Variants in CUL7 observed in about 807,000 individuals in gnomAD.
CUL7 encodes the protein cullin 7.
A neutral mutation model predicts 177.7 loss-of-function variants in CUL7; 96 were observed. The observed-to-expected ratio is 0.54, with a 90% CI of 0.46 to 0.64. CUL7 has a LOEUF of 0.64. Ranked by LOEUF, CUL7 falls within the 30% of genes least tolerant of loss-of-function variation. The pLI, the probability that CUL7 is intolerant of heterozygous loss-of-function variation, is 0.00. For synonymous variants in CUL7, 824 were observed against 890.2 expected (o/e 0.93, Z 1.32); for missense variants, 1,893 against 2,187.9 (o/e 0.87, Z 2.69).
In CUL7 at chr6:43,047,144, AGG is replaced by A. The variant is rs765804557; in HGVS notation, c.2170-39_2170-38del. On this transcript the variant is annotated intron_variant, in intron 9 of 25. Transcript: ENST00000265348. Reference sequence around the variant, plus strand: ...CATAAGGGAGGAGATGAATGAAGACAGGGCGAGGGCCACAAGGGCACCTGCAG... The same window carrying A: ...CATAAGGGAGGAGATGAATGAAGACAGCGAGGGCCACAAGGGCACCTGCAG... 3 of 1,248,740 alleles carry A rather than the reference AGG, an allele frequency of 2.4e-6. No homozygotes were observed. In the Admixed American group the frequency reaches 5.0e-5, roughly 21 times the overall value. The allele number at this position is 1,248,740 out of a possible 1,614,324, so 77.4% of individuals were successfully genotyped here. A position where few individuals can be genotyped will look rare whatever the true frequency, so the allele number is the denominator to read the frequency against.
rs1221044014 is a variant in CUL7, at chr6:43,040,261, G to C, written c.4189C>G (p.His1397Asp). The C allele has an allele frequency of 6.2e-7, 1 of 1,614,180 alleles. No homozygotes were observed. Among genetic ancestry groups the C allele is most frequent in the Admixed American group, 1.7e-5 (1 of 60,032 alleles). The change falls in exon 22 of 26, where the codon CAC becomes GAC. Residue 1397 changes from histidine (H) to aspartate (D), a missense_variant. Around this residue, in one of 5 missense-constraint regions of CUL7, gnomAD observed 973 missense variants for 1,140.9 expected, o/e 0.85. Transcript: ENST00000265348. The surrounding 1 kb of genome is among the most constrained non-coding windows in gnomAD (Gnocchi z 4.2). ...CAGATTGAGGCAACAGGCCAGGAGT[G>C]TCGGGACAGGACAAGCACAGACACT... ...PEVSVLVLSR[H>D]SWPVASICHT...
intron 19 of CUL7, 132 bp from the exon 20 acceptor site, chr6:43,041,207 C>T: frequency 1.3e-6 from 1 of 788,054 alleles, no homozygotes; most frequent in African/African-American, 1.7e-5. Flanking sequence ...TTTCATACAA[C>T]TATTTTATAA....
intron 10 of CUL7, 59 bp from the exon 11 acceptor site, chr6:43,046,660 A>G: frequency 6.2e-7 from 1 of 1,604,282 alleles, no homozygotes; most frequent in East Asian, 2.2e-5. Context: ...GGAGACACAC[A>G]CGGAAACACG....
At chr6:43,039,081 C>G in intron 22 of CUL7, 94 bp from the exon 23 acceptor site, 1 of 835,976 alleles carries the variant, frequency 1.2e-6, no homozygotes, top group Non-Finnish European at 2.0e-6. Context: ...CTGTTTATCT[C>G]TGCAAGGCGT....
At position 43,043,245 on chromosome 6, in the gene CUL7, C is replaced by T; in HGVS notation, c.3356-65G>A. The T allele has an allele frequency of 7.2e-7, 1 of 1,395,128 alleles. No homozygotes were observed. Among genetic ancestry groups the T allele is most frequent in the East Asian group, 2.3e-5 (1 of 42,804 alleles). 86.4% of individuals were successfully genotyped at this position (1,395,128 alleles called of 1,614,324 possible). The stretch of plus-strand genomic sequence containing the variant: ...AGCCCCTCCACTCCCAAGTCCCCAT[C>T]CAAGGGGGTTCCCTGAGGCCTTTCC... On this transcript the variant is annotated intron_variant, in intron 17 of 25. Transcript: ENST00000265348. The surrounding 1 kb of genome is among the most constrained non-coding windows in gnomAD (Gnocchi z 4.2).
chr6:43,051,348 A>G lies in CUL7; in HGVS notation c.853T>C (p.Leu285=). 6.2e-7 allele frequency: 1 copy of G among 1,610,924 alleles called. No homozygotes were observed. Among genetic ancestry groups the G allele is most frequent in the African/African-American group, 1.3e-5 (1 of 74,388 alleles). Reference sequence around the variant, plus strand: ...TCCAGTTGACCCCTCTCCCCACTCAACTCCTCAGGAGCAGAGGTGTTCTGG... The same window carrying G: ...TCCAGTTGACCCCTCTCCCCACTCAGCTCCTCAGGAGCAGAGGTGTTCTGG... ...GAQNTSAPEE[L]SGERGQLELE... is the part of the protein sequence containing the mutation. The change falls in exon 4 of 26, where the codon TTG becomes CTG. Residue 285 remains leucine, a synonymous_variant. Coordinates refer to ENST00000265348, the MANE Select transcript of CUL7 (RefSeq NM_014780.5). This position sits in a 1 kb window ranked among gnomAD's most constrained non-coding sequence, Gnocchi z 5.0.
Position 43,043,766 on chromosome 6 carries a change from C to T in CUL7, c.3173-136G>A, listed in dbSNP as rs954832575. 2.3e-5 allele frequency: 16 copies of T among 708,054 alleles called. No homozygotes were observed. Among genetic ancestry groups the T allele is most frequent in the Non-Finnish European group, 3.6e-5 (14 of 386,416 alleles). 43.9% of individuals were successfully genotyped at this position (708,054 alleles called of 1,614,324 possible). On this transcript the variant is annotated intron_variant, in intron 16 of 25. Coordinates refer to ENST00000265348, the MANE Select transcript of CUL7 (RefSeq NM_014780.5). The surrounding 1 kb of genome is among the most constrained non-coding windows in gnomAD (Gnocchi z 4.2). ...AAGGGGGGCCAGGTAGGGTGGTTTA[C>T]GCCTGTAATCCCAGCACTTTGGGAG...
chr6:43,043,074 C>T lies in CUL7; in HGVS notation c.3462G>A (p.Gln1154=). 6.2e-7 allele frequency: 1 copy of T among 1,614,112 alleles called. No homozygotes were observed. The highest frequency in any genetic ancestry group is 2.2e-5 in the East Asian group (1 of 44,886). Residue 1154 remains glutamine, a splice_region_variant and synonymous_variant, in exon 18 of 26, where the codon CAG becomes CAA. Transcript: ENST00000265348. This position sits in a 1 kb window ranked among gnomAD's most constrained non-coding sequence, Gnocchi z 4.2. Reference sequence around the variant, plus strand: ...CTCCCGCAGGCCTGCTCCTGCCCACCTGCTTCTCCACCACGGCCCGCCAAC... The same window carrying T: ...CTCCCGCAGGCCTGCTCCTGCCCACTTGCTTCTCCACCACGGCCCGCCAAC... ...TRCWRAVVEK[Q]VNNFLTSSWR... is the part of the protein sequence containing the mutation.
At chr6:43,048,636 A>G (rs1340736812) in intron 7 of CUL7, 67 bp from the exon 8 acceptor site, 1 of 1,047,208 alleles carries the variant, frequency 9.5e-7, no homozygotes, top group African/African-American at 1.6e-5. Flanking sequence ...AAATAGATTC[A>G]TAACTCTCAA....
In CUL7 at chr6:43,052,493, A is replaced by G. The variant is rs1764503434; in HGVS notation, c.296T>C (p.Val99Ala). 6.2e-6 allele frequency: 10 copies of G among 1,613,900 alleles called. No individual in the cohort carries two copies. Among genetic ancestry groups the G allele is most frequent in the Middle Eastern group, 1.6e-4 (1 of 6,062 alleles). The change falls in exon 2 of 26, where the codon GTT (valine) becomes GCT (alanine). Residue 99 changes from valine (V) to alanine (A), a missense_variant. Transcript: ENST00000265348. The surrounding 1 kb of genome is among the most constrained non-coding windows in gnomAD (Gnocchi z 4.5). ...CAGCACAGATTTGTCCAGGGCCCCAACCTCCCCTGCAGACTCCTGGGAGGG... is the reference window on the plus strand; with the variant it reads ...CAGCACAGATTTGTCCAGGGCCCCAGCCTCCCCTGCAGACTCCTGGGAGGG... ...IGPSQESAGE[V>A]GALDKSVLEE...
At position 43,045,752 on chromosome 6, in the gene CUL7, C is replaced by T; in HGVS notation, c.2767-70G>A. 1.3e-6 allele frequency: 2 copies of T among 1,522,492 alleles called. No homozygotes were observed. The highest frequency in any genetic ancestry group is 1.8e-6 in the Non-Finnish European group (2 of 1,098,122). 94.3% of individuals were successfully genotyped at this position (1,522,492 alleles called of 1,614,324 possible). A position where few individuals can be genotyped will look rare whatever the true frequency, so the allele number is the denominator to read the frequency against. ...CAAGTTGGCTCTAGGCTCCAGTCCC[C>T]TCACTGTTTCCCTCCCTTCCCCAGC... On this transcript the variant is annotated intron_variant, in intron 13 of 25. Transcript: ENST00000265348. The surrounding 1 kb of genome is among the most constrained non-coding windows in gnomAD (Gnocchi z 4.8).
In CUL7 at chr6:43,048,076, C is replaced by T. The variant is rs181444101; in HGVS notation, c.2169+72G>A. The T allele has an allele frequency of 6.7e-5, 64 of 948,442 alleles. No individual in the cohort carries two copies. The African/African-American group carries it at 8.6e-4, about 13-fold the overall frequency. 58.8% of individuals were successfully genotyped at this position (948,442 alleles called of 1,614,324 possible). On this transcript the variant is annotated intron_variant, in intron 9 of 25. Transcript: ENST00000265348. ...CTATCACGCCCTCCAGAGCCTTGCC[C>T]AGCAGGTGTGCCTTGCCAGTGGCTG...
rs1231190642 is a variant in CUL7, at chr6:43,053,597, G to A, written c.-9+25C>T. 1.5e-6 allele frequency: 2 copies of A among 1,332,994 alleles called. No homozygotes were observed. Among genetic ancestry groups the A allele is most frequent in the Non-Finnish European group, 1.9e-6 (2 of 1,039,686 alleles). 82.6% of individuals were successfully genotyped at this position (1,332,994 alleles called of 1,614,324 possible). On this transcript the variant is annotated intron_variant, in intron 1 of 25. Transcript: ENST00000265348. This position sits in a 1 kb window ranked among gnomAD's most constrained non-coding sequence, Gnocchi z 4.1. ...CTAGTGGGCAGGGAAGGAGAAGCAA[G>A]GGGCCGCGGTGGGGCTCTGGCCACC...
intron 23 of CUL7, 38 bp from the exon 24 acceptor site, chr6:43,038,730 A>G: frequency 6.2e-7 from 1 of 1,613,428 alleles, no homozygotes; most frequent in African/African-American, 1.3e-5. Context: ...GGGCCTCCCC[A>G]AGGAGTGGAG....
intron 9 of CUL7, chr6:43,047,892 G>A (rs1764049136): frequency 1.8e-6 from 1 of 550,584 alleles, no homozygotes; most frequent in Non-Finnish European, 3.2e-6. Context: ...AGGGGTGTGT[G>A]GGGGACCCTG....
chr6:43,040,355 C>T lies in CUL7; in HGVS notation c.4095G>A (p.Val1365=). The T allele has an allele frequency of 1.2e-6, 2 of 1,613,740 alleles. No individual in the cohort carries two copies. Among genetic ancestry groups the T allele is most frequent in the Non-Finnish European group, 8.5e-7 (1 of 1,179,982 alleles). ...CTTCCTCCTCTCCCTCCGCCACATC[C>T]ACCACTGCTGCTGCCCCAGCTTCCT... is the stretch of plus-strand genomic sequence containing the variant. ...KEEEAGAAAV[V]DVAEGEEEEE... is the part of the protein sequence containing the mutation. The change falls in exon 22 of 26, where the codon GTG becomes GTA. Residue 1365 remains valine, a synonymous_variant. Transcript: ENST00000265348. This position sits in a 1 kb window ranked among gnomAD's most constrained non-coding sequence, Gnocchi z 4.2.
At chr6:43,047,505 T>C (rs1020377667) in intron 9 of CUL7, among the ~76,000 whole-genome samples, 2 of 152,158 alleles carry the variant, frequency 1.3e-5, no homozygotes, top group Non-Finnish European at 2.9e-5. Context: ...TGGGTTTGTG[T>C]GTGTATTATA....
Position 43,051,775 on chromosome 6 carries a change from AC to A in CUL7, c.581-13del. The A allele has an allele frequency of 6.2e-7, 1 of 1,613,994 alleles. No individual in the cohort carries two copies. The highest frequency in any genetic ancestry group is 8.5e-7 in the Non-Finnish European group (1 of 1,179,934). On this transcript the variant is annotated splice_polypyrimidine_tract_variant and intron_variant, in intron 2 of 25. Transcript: ENST00000265348. This position sits in a 1 kb window ranked among gnomAD's most constrained non-coding sequence, Gnocchi z 5.0. The stretch of plus-strand genomic sequence containing the variant: ...CTGAGTCCGGGTCCCTGTAACCCAC[AC>A]CCCAGTTGGTAACTTCTCCCTAATC...
rs1763166424 is a variant in CUL7, at chr6:43,038,768, G to A, written c.4440+74C>T. ...AAGAGGATGGAGGGAAGAAGCAGAG[G>A]GAGTCAAGGTTTTGGGAAGAGAGGC... On this transcript the variant is annotated intron_variant, in intron 23 of 25. Coordinates refer to ENST00000265348, the MANE Select transcript of CUL7 (RefSeq NM_014780.5). 4.3e-6 allele frequency: 7 copies of A among 1,612,766 alleles called. No homozygotes were observed. In the South Asian group the frequency reaches 5.5e-5, roughly 13 times the overall value.
Sources: allele counts gnomAD v4.1 joint callset (sites outside exome capture counted in the v4.1 genomes callset), GRCh38; gene constraint gnomAD v4.1.1; regional missense constraint gnomAD v4.1.1; non-coding constraint Gnocchi (gnomAD v3.1); transcripts MANE v1.5; gene names NCBI Gene and HGNC (gene_info 2026-07-23, HGNC 2026-07-21).